Variants in FAM135A observed in about 807,000 individuals in gnomAD.
The protein encoded by FAM135A is protein FAM135A.
Under a neutral mutation model 146.8 loss-of-function variants are expected in FAM135A, and 79 were observed. The observed-to-expected ratio is 0.54, with a 90% CI of 0.45 to 0.65. The LOEUF is 0.65. Among genes scored for constraint, FAM135A ranks in the 30% least tolerant of loss-of-function variants. The pLI, the probability that FAM135A is intolerant of heterozygous loss-of-function variation, is 0.00. For synonymous variants in FAM135A, 562 were observed against 603.6 expected, an observed-to-expected ratio of 0.93 and a Z score of 1.01; for missense variants, 1,623 against 1,758.2, an observed-to-expected ratio of 0.92 and a Z score of 1.38.
intron 15 of FAM135A, among the ~76,000 whole-genome samples, chr6:70,527,854 T>TA (rs1795052714): frequency 6.6e-6 from 1 of 152,162 alleles, no homozygotes; most frequent in African/African-American, 2.4e-5. Flanking sequence ...TTCTCACTGT[T>TA]ACATTTTGTA....
In FAM135A at chr6:70,526,390, A is replaced by C; in HGVS notation, c.3306A>C (p.Glu1102Asp). The change falls in exon 15 of 22, where the codon GAA (glutamate) becomes GAC (aspartate). Residue 1102 changes from glutamate to aspartate, a missense_variant. Around this residue, in one of 7 missense-constraint regions of FAM135A, gnomAD observed 1,061 missense variants for 1,113.8 expected, o/e 0.95. Coordinates refer to ENST00000418814, the MANE Select transcript of FAM135A (RefSeq NM_001162529.3). ...TGGTTCAAAATGGGTACTATGAAGA[A>C]ACAGATTATTCAGCTTTGGATGGAA... ...QQMVQNGYYE[E>D]TDYSALDGTI... 6.2e-7 allele frequency: 1 copy of C among 1,613,636 alleles called. No homozygotes were observed. Among genetic ancestry groups the C allele is most frequent in the Non-Finnish European group, 8.5e-7 (1 of 1,179,682 alleles).
At chr6:70,533,362 C>A in intron 17 of FAM135A, 111 bp downstream of exon 17, 1 of 691,740 alleles carries the variant, frequency 1.4e-6, no homozygotes. Context: ...TTTCTGATTT[C>A]TATGAAATTT....
intron 2 of FAM135A, among the ~76,000 whole-genome samples, chr6:70,415,872 G>C (rs1467553010): frequency 6.6e-6 from 1 of 152,096 alleles, no homozygotes; most frequent in East Asian, 1.9e-4. Context: ...AGTATCTCCA[G>C]CTGTAAAGTA....
chr6:70,425,994 T>G (rs559342809), intron 2 of FAM135A, among the ~76,000 whole-genome samples: 1 of 151,998 alleles, frequency 6.6e-6, no homozygotes, highest in Non-Finnish European at 1.5e-5. Flanking sequence ...TCCCAGCTAC[T>G]CGGGAGGCTG....
chr6:70,529,879 A>G (rs1017248179), intron 16 of FAM135A, among the ~76,000 whole-genome samples: 1 of 152,040 alleles, frequency 6.6e-6, no homozygotes, highest in Admixed American at 6.5e-5. Flanking sequence ...TGGCTAACAC[A>G]GTGAAACCCC....
At chr6:70,426,249 T>G (rs1770119039) in intron 2 of FAM135A, among the ~76,000 whole-genome samples, 190 bp from the exon 3 acceptor site, 1 of 152,208 alleles carries the variant, frequency 6.6e-6, no homozygotes, top group Admixed American at 6.5e-5. Flanking sequence ...TTAATAGAGA[T>G]ATAATAGTTA....
chr6:70,551,987 G>A (rs1799907563), intron 20 of FAM135A, among the ~76,000 whole-genome samples: 1 of 152,152 alleles, frequency 6.6e-6, no homozygotes, highest in African/African-American at 2.4e-5. Context: ...GGTGCCAATG[G>A]ACTTGCTCAA....
At chr6:70,476,388 G>A (rs1373215383) in intron 7 of FAM135A, among the ~76,000 whole-genome samples, 4 of 152,086 alleles carry the variant, frequency 2.6e-5, no homozygotes, top group Admixed American at 6.6e-5. Flanking sequence ...ACTGCATGTG[G>A]GATAAGTAAC....
intron 21 of FAM135A, chr6:70,557,709 A>C (rs1246754592): frequency 6.6e-6 from 1 of 151,284 alleles, no homozygotes; most frequent in Non-Finnish European, 1.5e-5. Context: ...AAAAAAAAAA[A>C]AAAAAAAAAC....
At chr6:70,467,252 G>A (rs1328023864) in intron 5 of FAM135A, among the ~76,000 whole-genome samples, 1 of 151,662 alleles carries the variant, frequency 6.6e-6, no homozygotes, top group Non-Finnish European at 1.5e-5. Flanking sequence ...ATTATCTTTT[G>A]GTTTGCAGCA....
In FAM135A at chr6:70,486,103, T is replaced by C. The variant is rs1337266647; in HGVS notation, c.823+3949T>C. On this transcript the variant is annotated intron_variant, in intron 10 of 21. Transcript: ENST00000418814. ...AGTCTATTATTAACAAGTTGGAAAA[T>C]TCTAGTAAGTTTTGTTGTGAAAGGA... 4.2e-6 allele frequency: 6 copies of C among 1,437,900 alleles called. No homozygotes were observed. The African/African-American group carries it at 8.5e-5, about 20-fold the overall frequency. The allele number at this position is 1,437,900 out of a possible 1,614,324, so 89.1% of individuals were successfully genotyped here.
At chr6:70,556,972 CT>C (rs1182910724) in intron 21 of FAM135A, 109 bp downstream of exon 21, 9 of 765,656 alleles carry the variant, frequency 1.2e-5, no homozygotes, top group Non-Finnish European at 2.0e-5. Context: ...TTTCCTGTTA[CT>C]TCCTTTCCAC....
intron 4 of FAM135A, among the ~76,000 whole-genome samples, chr6:70,450,956 A>G (rs928561751): frequency 6.6e-6 from 1 of 151,444 alleles, no homozygotes; most frequent in Non-Finnish European, 1.5e-5. Context: ...TTGGCCAGGC[A>G]GGTCTTGAAC....
At chr6:70,468,172 C>A (rs1414366402) in intron 5 of FAM135A, among the ~76,000 whole-genome samples, 1 of 152,160 alleles carries the variant, frequency 6.6e-6, no homozygotes, top group Non-Finnish European at 1.5e-5. Flanking sequence ...ACTGAGAATT[C>A]TTCTCTATGG....
chr6:70,462,289 C>T (rs894451720), intron 5 of FAM135A, among the ~76,000 whole-genome samples: 2 of 152,102 alleles, frequency 1.3e-5, no homozygotes, highest in Admixed American at 6.6e-5. Flanking sequence ...GTGACATTGA[C>T]GGCCAAGCAC....
At chr6:70,474,128 GA>G (rs1446445681) in intron 5 of FAM135A, among the ~76,000 whole-genome samples, 1 of 152,144 alleles carries the variant, frequency 6.6e-6, no homozygotes, top group East Asian at 1.9e-4. Flanking sequence ...TGGGCGTTTG[GA>G]CCCTGTGCTC....
rs886648879 is a variant in FAM135A at position 70,525,918 on chromosome 6, A to C, written c.2834A>C (p.Asp945Ala). 6.2e-7 allele frequency: 1 copy of C among 1,613,386 alleles called. No individual in the cohort carries two copies. The highest frequency in any genetic ancestry group is 1.1e-5 in the South Asian group (1 of 90,976). Reference sequence around the variant, plus strand: ...AGTTGCAGCTCCAAACCTAACTTGGATACTATGTGTAAAGGCTTCCAGAGT... The same window carrying C: ...AGTTGCAGCTCCAAACCTAACTTGGCTACTATGTGTAAAGGCTTCCAGAGT... ...KSSCSSKPNL[D>A]TMCKGFQSPD... The change falls in exon 15 of 22, where the codon GAT becomes GCT. Residue 945 changes from aspartate to alanine, a missense_variant. By Grantham distance (126) the Asp-to-Ala change is moderately radical. Coordinates refer to ENST00000418814, the MANE Select transcript of FAM135A (RefSeq NM_001162529.3).
At chr6:70,523,050 G>A (rs1793954391) in intron 13 of FAM135A, among the ~76,000 whole-genome samples, 1 of 151,912 alleles carries the variant, frequency 6.6e-6, no homozygotes, top group Non-Finnish European at 1.5e-5. Flanking sequence ...GTTTTCTTTG[G>A]CATTAAGGAA....
At chr6:70,535,912 G>A (rs1483481532) in intron 18 of FAM135A, 1 of 159,716 alleles carries the variant, frequency 6.3e-6, no homozygotes, top group Non-Finnish European at 1.4e-5. Flanking sequence ...GAATTAAGAA[G>A]TAAATAATTT....
Sources: gnomAD v4.1 joint callset for allele counts (sites outside exome capture counted in the v4.1 genomes callset) on GRCh38, gnomAD v4.1.1 for gene constraint, gnomAD v4.1.1 regional missense constraint, MANE v1.5 for transcripts, NCBI Gene and HGNC (gene_info 2026-07-23, HGNC 2026-07-21) for gene names.